The following THADA variants were observed in gnomAD, a reference collection of about 807,000 sequenced individuals.
The protein encoded by THADA is tRNA (32-2'-O)-methyltransferase regulator THADA.
Under a neutral mutation model 219.8 loss-of-function variants are expected in THADA, and 213 were observed. That is an observed-to-expected ratio of 0.97 (90% CI 0.87 to 1.09). THADA has a LOEUF of 1.09. Among genes scored for constraint, THADA ranks in the 50% least tolerant of loss-of-function variants. The pLI, the probability that THADA is intolerant of heterozygous loss-of-function variation, is 0.00. For missense variants in THADA, 2,956 were observed against 2,311.3 expected, an observed-to-expected ratio of 1.28 and a Z score of -5.72; for synonymous variants, 1,018 against 828.9, an observed-to-expected ratio of 1.23 and a Z score of -3.92.
At chr2:43,294,602 C>T (rs1052803254) in intron 31 of THADA, among the ~76,000 whole-genome samples, 2 of 152,074 alleles carry the variant, frequency 1.3e-5, no homozygotes, top group South Asian at 2.1e-4. Context: ...CTGTATGCAA[C>T]GGAATGCCAC....
At chr2:43,500,222 G>C (rs1055682546) in intron 24 of THADA, among the ~76,000 whole-genome samples, 2 of 152,106 alleles carry the variant, frequency 1.3e-5, no homozygotes, top group Non-Finnish European at 2.9e-5. Context: ...ACTAAAACTA[G>C]AGTATTGGAA....
chr2:43,543,698 T>C (rs1224405135), intron 20 of THADA, among the ~76,000 whole-genome samples: 1 of 152,256 alleles, frequency 6.6e-6, no homozygotes, highest in African/African-American at 2.4e-5. Context: ...GTTCATGTCC[T>C]TTGCCCACTT....
chr2:43,350,893 G>C (rs1390507436), intron 29 of THADA, among the ~76,000 whole-genome samples: 1 of 152,180 alleles, frequency 6.6e-6, no homozygotes, highest in African/African-American at 2.4e-5. Flanking sequence ...GGAAAAGGAT[G>C]CTAAGTACAA....
chr2:43,246,041 C>T (rs368645221), intron 36 of THADA, among the ~76,000 whole-genome samples: 8 of 152,072 alleles, frequency 5.3e-5, no homozygotes, highest in East Asian at 1.9e-4. Flanking sequence ...ACTAGGCGCC[C>T]GCCTCCCAGC....
At chr2:43,505,541 G>A (rs1427689915) in intron 24 of THADA, 81 bp downstream of exon 24, 4 of 1,045,304 alleles carry the variant, frequency 3.8e-6, no homozygotes, top group East Asian at 2.7e-5. Flanking sequence ...GTAACAAGAC[G>A]GTAACAGCCG....
chr2:43,303,677 C>T (rs1265216183), intron 31 of THADA, among the ~76,000 whole-genome samples: 2 of 139,244 alleles, frequency 1.4e-5, no homozygotes, highest in Non-Finnish European at 3.0e-5. Flanking sequence ...ATTATGGATA[C>T]AGTGAAGTTA....
intron 21 of THADA, among the ~76,000 whole-genome samples, chr2:43,537,466 A>C (rs1022205346): frequency 3.3e-5 from 5 of 152,252 alleles, no homozygotes; most frequent in Non-Finnish European, 5.9e-5. Context: ...ACTTGCATTG[A>C]GTGCAATTCA....
At chr2:43,517,729 C>A (rs1691904719) in intron 22 of THADA, among the ~76,000 whole-genome samples, 1 of 152,098 alleles carries the variant, frequency 6.6e-6, no homozygotes, top group African/African-American at 2.4e-5. Flanking sequence ...CTACTAGGGT[C>A]CATAAATATT....
chr2:43,472,061 G>A (rs1049635489), intron 26 of THADA, among the ~76,000 whole-genome samples: 4 of 152,120 alleles, frequency 2.6e-5, no homozygotes, highest in East Asian at 1.9e-4. Context: ...CTGAAAAACC[G>A]TTAAACTTCG....
At chr2:43,365,406 A>G (rs1472846301) in intron 29 of THADA, among the ~76,000 whole-genome samples, 4 of 152,120 alleles carry the variant, frequency 2.6e-5, no homozygotes, top group African/African-American at 9.6e-5. Flanking sequence ...CCCCGTCTCC[A>G]CTAAAAATAC....
At chr2:43,328,749 A>G (rs532281629) in intron 30 of THADA, among the ~76,000 whole-genome samples, 2 of 152,340 alleles carry the variant, frequency 1.3e-5, no homozygotes, top group Non-Finnish European at 2.9e-5. Context: ...GCAAGGCCCC[A>G]GCAGTCTGCA....
At chr2:43,372,600 G>A (rs1472426999) in intron 29 of THADA, among the ~76,000 whole-genome samples, 1 of 152,084 alleles carries the variant, frequency 6.6e-6, no homozygotes, top group Non-Finnish European at 1.5e-5. Context: ...ACTCAACACA[G>A]CCAACAGAGG....
intron 26 of THADA, 62 bp from the exon 27 acceptor site, chr2:43,430,364 T>C: frequency 3.4e-6 from 3 of 881,260 alleles, no homozygotes; most frequent in South Asian, 1.8e-5. Flanking sequence ...CAATAAAGCC[T>C]TTTTTTTAAA....
intron 29 of THADA, among the ~76,000 whole-genome samples, chr2:43,380,844 A>C (rs1671923107): frequency 6.6e-6 from 1 of 152,178 alleles, no homozygotes; most frequent in South Asian, 2.1e-4. Context: ...CACGCCTGTA[A>C]TCCCAGCACT....
At chr2:43,430,175 C>T in intron 27 of THADA, 38 bp downstream of exon 27, 1 of 1,069,862 alleles carries the variant, frequency 9.3e-7, no homozygotes, top group Non-Finnish European at 1.3e-6. Context: ...TAATTCACAT[C>T]CTTGAGGTCA....
intron 37 of THADA, 82 bp from the exon 38 acceptor site, chr2:43,231,425 G>C (rs1369981493): frequency 2.2e-6 from 3 of 1,382,572 alleles, no homozygotes; most frequent in Non-Finnish European, 2.9e-6. Flanking sequence ...TACCCTGCCA[G>C]ATGCAAGAGG....
At chr2:43,549,014 C>T (rs1696428691) in intron 20 of THADA, among the ~76,000 whole-genome samples, 196 bp downstream of exon 20, 1 of 152,198 alleles carries the variant, frequency 6.6e-6, no homozygotes, top group Non-Finnish European at 1.5e-5. Flanking sequence ...CATCTTGGCT[C>T]CACCCCCCTG....
At chr2:43,354,052 C>T (rs927502365) in intron 29 of THADA, among the ~76,000 whole-genome samples, 12 of 151,988 alleles carry the variant, frequency 7.9e-5, no homozygotes, top group African/African-American at 1.4e-4. Flanking sequence ...CTCCTGACCT[C>T]GTGATCCGCC....
At chr2:43,488,169 T>A (rs1461874224) in intron 25 of THADA, among the ~76,000 whole-genome samples, 1 of 152,226 alleles carries the variant, frequency 6.6e-6, no homozygotes. Context: ...AAATCACTTT[T>A]AAATTACTTT....
Sources: allele counts gnomAD v4.1 joint callset (sites outside exome capture counted in the v4.1 genomes callset), GRCh38; gene constraint gnomAD v4.1.1; transcripts MANE v1.5; gene names NCBI Gene and HGNC (gene_info 2026-07-23, HGNC 2026-07-21).